Variants in ZNF385D observed in about 807,000 individuals in gnomAD.
ZNF385D encodes zinc finger protein 659.
ZNF385D carries 15 observed loss-of-function variants against 35.8 expected under a neutral mutation model. The ratio of observed to expected loss-of-function variants is 0.42; its 90% CI spans 0.28 to 0.64. ZNF385D has a LOEUF of 0.64. Ranked by LOEUF, ZNF385D falls within the 30% of genes least tolerant of loss-of-function variation. The probability of loss-of-function intolerance (pLI) is 0.23; values close to 1 mark genes in which losing one functional copy is unlikely to be tolerated. For synonymous variants in ZNF385D, 212 were observed against 186.8 expected (o/e 1.13, Z -1.10); for missense variants, 474 against 494.6 (o/e 0.96, Z 0.39).
At chr3:21,836,148 G>A (rs1695315051) in intron 3 of ZNF385D, among the ~76,000 whole-genome samples, 1 of 143,988 alleles carries the variant, frequency 6.9e-6, no homozygotes, top group South Asian at 2.3e-4. Context: ...TTATTTTTAG[G>A]GCTAATGCTG....
At chr3:21,749,215 A>G (rs955998062) in intron 1 of ZNF385D, among the ~76,000 whole-genome samples, 2 of 152,198 alleles carry the variant, frequency 1.3e-5, no homozygotes, top group South Asian at 2.1e-4. Flanking sequence ...TGATTACCCT[A>G]TGAATCACTC....
At chr3:22,232,726 T>C (rs1698967362) in intron 2 of ZNF385D, among the ~76,000 whole-genome samples, 1 of 152,186 alleles carries the variant, frequency 6.6e-6, no homozygotes, top group Admixed American at 6.5e-5. Flanking sequence ...ACTCATCCTT[T>C]TTAATGGCTG....
At chr3:22,196,314 CTT>C (rs906065248) in intron 2 of ZNF385D, among the ~76,000 whole-genome samples, 3 of 151,884 alleles carry the variant, frequency 2.0e-5, no homozygotes, top group Non-Finnish European at 2.9e-5. Context: ...ACAGAATATT[CTT>C]TGTCATTCTT....
At chr3:21,821,634 T>G (rs917852366) in intron 3 of ZNF385D, among the ~76,000 whole-genome samples, 2 of 151,952 alleles carry the variant, frequency 1.3e-5, no homozygotes, top group African/African-American at 4.8e-5. Flanking sequence ...ACCAGAAAAA[T>G]GTAAATTAAA....
chr3:22,282,718 A>G (rs1701827783), intron 2 of ZNF385D, among the ~76,000 whole-genome samples: 2 of 152,000 alleles, frequency 1.3e-5, no homozygotes, highest in Non-Finnish European at 2.9e-5. Context: ...CTCAAAATAT[A>G]CCAAAATAAA....
intron 2 of ZNF385D, among the ~76,000 whole-genome samples, chr3:21,659,679 G>A (rs1311280964): frequency 6.6e-6 from 1 of 152,092 alleles, no homozygotes; most frequent in Admixed American, 6.6e-5. Context: ...ACACCGGAAG[G>A]TAAGTTCCAT....
At chr3:22,049,490 C>G (rs1160313562) in intron 3 of ZNF385D, among the ~76,000 whole-genome samples, 1 of 151,894 alleles carries the variant, frequency 6.6e-6, no homozygotes, top group Non-Finnish European at 1.5e-5. Flanking sequence ...ACCTTCCTTC[C>G]CATCGGATGC....
intron 3 of ZNF385D, among the ~76,000 whole-genome samples, chr3:21,859,357 T>C (rs534743514): frequency 6.6e-6 from 1 of 151,782 alleles, no homozygotes; most frequent in Non-Finnish European, 1.5e-5. Flanking sequence ...GTTATGCATG[T>C]GTGGCTTTAT....
rs112791024 is a variant in ZNF385D, at chr3:21,643,630, T to C, written c.165+21256A>G. 3.6e-3 allele frequency among the ~76,000 whole-genome samples: 547 copies of C among 152,218 alleles called. 4 individuals carry two copies. The highest frequency in any genetic ancestry group is 0.012 in the African/African-American group (507 of 41,552). On this transcript the variant is annotated intron_variant, in intron 2 of 7. Transcript: ENST00000281523. ...AATTCTCATGCACCTCAGAGTAGCA[T>C]TGACACTATTATTGCCTTAGAGATC...
intron 3 of ZNF385D, among the ~76,000 whole-genome samples, chr3:21,772,531 A>G (rs1289239963): frequency 6.6e-6 from 1 of 151,966 alleles, no homozygotes; most frequent in Admixed American, 6.6e-5. Context: ...GATATTTCAC[A>G]TGCATTACAG....
At chr3:21,594,857 A>G (rs1559442810) in intron 2 of ZNF385D, among the ~76,000 whole-genome samples, 1 of 152,186 alleles carries the variant, frequency 6.6e-6, no homozygotes, top group Non-Finnish European at 1.5e-5. Flanking sequence ...TGCTGAACCC[A>G]TGATAATTAT....
intron 3 of ZNF385D, among the ~76,000 whole-genome samples, chr3:21,783,082 G>C (rs1480345121): frequency 6.6e-6 from 1 of 152,030 alleles, no homozygotes; most frequent in Non-Finnish European, 1.5e-5. Flanking sequence ...CTACTCTCCT[G>C]ATTTTTGGAT....
At chr3:21,578,556 T>C (rs1031688137) in intron 2 of ZNF385D, among the ~76,000 whole-genome samples, 2 of 152,174 alleles carry the variant, frequency 1.3e-5, no homozygotes, top group African/African-American at 4.8e-5. Flanking sequence ...TATATGGATA[T>C]CCAGTTTTCC....
intron 4 of ZNF385D, among the ~76,000 whole-genome samples, chr3:21,483,872 T>C (rs911114421): frequency 6.6e-6 from 1 of 152,184 alleles, no homozygotes; most frequent in African/African-American, 2.4e-5. Flanking sequence ...CTAATATTTC[T>C]TTTTTGCAGA....
intron 2 of ZNF385D, among the ~76,000 whole-genome samples, chr3:22,319,122 A>AT (rs1431843898): frequency 6.6e-6 from 1 of 152,182 alleles, no homozygotes; most frequent in Non-Finnish European, 1.5e-5. Flanking sequence ...GCCGCCCAAT[A>AT]TAAGTATCTT....
chr3:21,899,828 C>T (rs1020990924), intron 3 of ZNF385D, among the ~76,000 whole-genome samples: 1 of 152,072 alleles, frequency 6.6e-6, no homozygotes, highest in South Asian at 2.1e-4. Context: ...AATGATGATT[C>T]CTCCCTGCCC....
intron 3 of ZNF385D, among the ~76,000 whole-genome samples, chr3:21,891,253 C>A: frequency 6.6e-6 from 1 of 152,170 alleles, no homozygotes; most frequent in African/African-American, 2.4e-5. Context: ...AGACTCTCAT[C>A]GTCAGTATTA....
chr3:22,335,624 C>A (rs1695128255), intron 2 of ZNF385D, among the ~76,000 whole-genome samples: 1 of 152,116 alleles, frequency 6.6e-6, no homozygotes, highest in Non-Finnish European at 1.5e-5. Context: ...GTAATAAATT[C>A]AACTTGTTCA....
intron 1 of ZNF385D, among the ~76,000 whole-genome samples, chr3:21,671,292 C>T (rs2066569580): frequency 6.6e-6 from 1 of 152,050 alleles, no homozygotes; most frequent in Admixed American, 6.6e-5. Flanking sequence ...AAAAATAAAG[C>T]TCTCCTTTCC....
Sources: gnomAD v4.1 joint callset for allele counts (sites outside exome capture counted in the v4.1 genomes callset) on GRCh38, gnomAD v4.1.1 for gene constraint, MANE v1.5 for transcripts, NCBI Gene and HGNC (gene_info 2026-07-23, HGNC 2026-07-21) for gene names.